SPTBN4: variants seen among roughly 807,000 people sequenced by gnomAD.
The protein encoded by SPTBN4 is spectrin beta, non-erythrocytic 4, also known as spectrin beta chain, non-erythrocytic 4.
In SPTBN4, 96 loss-of-function variants were observed where a neutral mutation model predicts 277.8. That is an observed-to-expected ratio of 0.35 (90% CI 0.29 to 0.41). SPTBN4 has a LOEUF of 0.41. SPTBN4 is among the 10% of genes least tolerant of loss of function. SPTBN4 has a pLI of 1.00. For synonymous variants in SPTBN4, 1,481 were observed against 1,580.3 expected, an observed-to-expected ratio of 0.94 and a Z score of 1.49; for missense variants, 3,006 against 3,595.7, an observed-to-expected ratio of 0.84 and a Z score of 4.19.
rs115335381 is a variant in SPTBN4, at chr19:40,565,002, C to T, written c.5916-421C>T. Among the ~76,000 whole-genome samples, 713 of 152,026 alleles carry T rather than the reference C, an allele frequency of 4.7e-3. 6 individuals are homozygous for T. The highest frequency in any genetic ancestry group is 0.017 in the African/African-American group (686 of 41,444). On this transcript the variant is annotated intron_variant, in intron 27 of 35. Transcript: ENST00000598249. The stretch of plus-strand genomic sequence containing the variant: ...GTCTCAGTCTGGTTTGGTGACTCAA[C>T]GCCTGTAATCCCAGCACTTTGGGAG...
At chr19:40,565,831 C>A in intron 29 of SPTBN4, 86 bp downstream of exon 29, 1 of 1,403,800 alleles carries the variant, frequency 7.1e-7, no homozygotes, top group Non-Finnish European at 9.8e-7. Context: ...GTGACAGGAG[C>A]ATGCTTTGCA....
At chr19:40,528,105 G>C (rs1338885519) in intron 17 of SPTBN4, among the ~76,000 whole-genome samples, 2 of 150,760 alleles carry the variant, frequency 1.3e-5, no homozygotes, top group Admixed American at 1.3e-4. Context: ...TGGAGACCCT[G>C]GGAGGATCTC....
intron 18 of SPTBN4, among the ~76,000 whole-genome samples, chr19:40,532,351 G>T (rs944137538): frequency 1.3e-5 from 2 of 151,956 alleles, no homozygotes; most frequent in Non-Finnish European, 2.9e-5. Context: ...GGCTTGTGGG[G>T]AGTTGAGGAG....
chr19:40,573,557 G>A (rs978132986), intron 35 of SPTBN4, among the ~76,000 whole-genome samples: 76 of 152,264 alleles, frequency 5.0e-4, no homozygotes, highest in African/African-American at 1.7e-3. Context: ...CTGGCTGGGC[G>A]CAGTGGCTTA....
intron 25 of SPTBN4, among the ~76,000 whole-genome samples, 177 bp from the exon 26 acceptor site, chr19:40,556,846 T>A (rs1276120627): frequency 6.6e-6 from 1 of 152,122 alleles, no homozygotes; most frequent in African/African-American, 2.4e-5. Context: ...GAGAATTGCT[T>A]GAACTGGGGA....
chr19:40,500,110 AAGGCAGGAGGATCACTTG>A (rs1475964010), intron 7 of SPTBN4, among the ~76,000 whole-genome samples: 1 of 148,620 alleles, frequency 6.7e-6, no homozygotes, highest in African/African-American at 2.6e-5. Context: ...ACAGGAGGCC[AAGGCAGGAGGATCACTTG>A]AGCCCAGGAG....
At position 40,565,426 on chromosome 19, in the gene SPTBN4, C is replaced by T. The variant is rs142909066; in HGVS notation, c.5919C>T (p.Asp1973=). 3.6e-4 allele frequency: 579 copies of T among 1,612,626 alleles called. No individual in the cohort carries two copies. Among genetic ancestry groups the T allele is most frequent in the Non-Finnish European group, 4.4e-4 (522 of 1,179,222 alleles). The change falls in exon 28 of 36, where the codon GAC becomes GAT. Residue 1973 remains aspartate (D), a synonymous_variant. Coordinates refer to ENST00000598249, the MANE Select transcript of SPTBN4 (RefSeq NM_020971.3). The part of the protein sequence containing the change: ...SQIGAADKPR[D]VSSVEVLMNY... ...CCCTGCCTGCCACCCACTGCAGGGA[C>T]GTGTCATCAGTGGAGGTGCTCATGA...
At chr19:40,521,761 A>G (rs962219638) in intron 16 of SPTBN4, among the ~76,000 whole-genome samples, 10 of 152,166 alleles carry the variant, frequency 6.6e-5, no homozygotes, top group Non-Finnish European at 1.3e-4. Context: ...GAGCCCCTGA[A>G]TCATAAGATT....
intron 20 of SPTBN4, among the ~76,000 whole-genome samples, chr19:40,545,657 C>T (rs1296641322): frequency 6.6e-6 from 1 of 152,064 alleles, no homozygotes; most frequent in Non-Finnish European, 1.5e-5. Flanking sequence ...CCTGTAATCC[C>T]AGCACTTTGG....
chr19:40,532,875 A>G, intron 19 of SPTBN4, 104 bp downstream of exon 19: 1 of 1,366,450 alleles, frequency 7.3e-7, no homozygotes, highest in Non-Finnish European at 9.7e-7. Flanking sequence ...CTGGTCTTAC[A>G]CCTCTGGACT....
In SPTBN4 at chr19:40,504,143, G is replaced by GGC. The variant is rs963309974; in HGVS notation, c.1665+12_1665+13insCG. 1.6e-6 allele frequency: 2 copies of GGC among 1,268,494 alleles called. No individual in the cohort carries two copies. Among genetic ancestry groups the GGC allele is most frequent in the Non-Finnish European group, 2.2e-6 (2 of 898,138 alleles). 78.6% of individuals were successfully genotyped at this position (1,268,494 alleles called of 1,614,324 possible). ...ATGGAGGAGATGCAGGTGCCGGCGG[G>GGC]GGGGCGGGGATGCGGGTGGAGTGCC... On this transcript the variant is annotated intron_variant, in intron 12 of 35. Transcript: ENST00000598249.
In SPTBN4 at chr19:40,556,996, A is replaced by ACGC. The variant is rs756181831; in HGVS notation, c.5290-26_5290-25insGCC. On this transcript the variant is annotated intron_variant, in intron 25 of 35. Coordinates refer to ENST00000598249, the MANE Select transcript of SPTBN4 (RefSeq NM_020971.3). Reference sequence around the variant, plus strand: ...GCTGCCCCTTTGCTCACTTTGCTGTACCCCCCCCCCCACTTCCTGATGGCA... The same window carrying ACGC: ...GCTGCCCCTTTGCTCACTTTGCTGTACGCCCCCCCCCCCCACTTCCTGATGGCA... 1.6e-4 allele frequency: 218 copies of ACGC among 1,365,076 alleles called. 1 individual carries two copies. The highest frequency in any genetic ancestry group is 1.9e-4 in the Non-Finnish European group (191 of 1,019,674). 84.6% of individuals were successfully genotyped at this position (1,365,076 alleles called of 1,614,324 possible).
chr19:40,493,526 G>A (rs1227907545), intron 5 of SPTBN4, among the ~76,000 whole-genome samples: 1 of 152,162 alleles, frequency 6.6e-6, no homozygotes, highest in Non-Finnish European at 1.5e-5. Context: ...TCTACAAAAA[G>A]TTGTGGGGTT....
intron 13 of SPTBN4, among the ~76,000 whole-genome samples, chr19:40,511,761 A>C (rs2080393524): frequency 1.3e-5 from 2 of 152,112 alleles, no homozygotes; most frequent in Admixed American, 1.3e-4. Context: ...AAAGGAGTGC[A>C]GATAACCACT....
chr19:40,532,842 C>T lies in SPTBN4; in HGVS notation c.4095+71C>T, dbSNP rs551376604. On this transcript the variant is annotated intron_variant, in intron 19 of 35. Transcript: ENST00000598249. ...CTCCAGGGAGCCCACGTCTCACCTG[C>T]TGCACCCGCTGCTGCCATCCTGCTG... 25 of 1,492,006 alleles carry T rather than the reference C, an allele frequency of 1.7e-5. No homozygotes were observed. In the African/African-American group the frequency reaches 2.8e-4, roughly 17 times the overall value. 92.4% of individuals were successfully genotyped at this position (1,492,006 alleles called of 1,614,324 possible).
In SPTBN4 at chr19:40,560,011, C is replaced by A; in HGVS notation, c.5671-148C>A. 4 of 1,423,372 alleles carry A rather than the reference C, an allele frequency of 2.8e-6. No homozygotes were observed. Among genetic ancestry groups the A allele is most frequent in the South Asian group, 1.5e-5 (1 of 65,982 alleles). 88.2% of individuals were successfully genotyped at this position (1,423,372 alleles called of 1,614,324 possible). On this transcript the variant is annotated intron_variant, in intron 26 of 35. Transcript: ENST00000598249. The surrounding 1 kb of genome is among the most constrained non-coding windows in gnomAD (Gnocchi z 5.2). ...GAATGCGGGTAAGTCAAAGAGAAAT[C>A]AGGCAGCAGATATGACAGGAGCCTG... is the stretch of plus-strand genomic sequence containing the variant.
At chr19:40,533,925 C>T (rs1225536592) in intron 19 of SPTBN4, among the ~76,000 whole-genome samples, 155 bp from the exon 20 acceptor site, 1 of 151,966 alleles carries the variant, frequency 6.6e-6, no homozygotes, top group Non-Finnish European at 1.5e-5. Context: ...TGCATCCACC[C>T]CTCATGTCTC....
chr19:40,552,455 C>CA lies in SPTBN4; in HGVS notation c.4675-1673dup, dbSNP rs33935362. The stretch of plus-strand genomic sequence containing the variant: ...GAGTGTCAAGAGCGAGACTCCGTCT[C>CA]AAAAAAAAAAAAAAAAAAAGATTAA... On this transcript the variant is annotated intron_variant, in intron 22 of 35. Coordinates refer to ENST00000598249, the MANE Select transcript of SPTBN4 (RefSeq NM_020971.3). Among the ~76,000 whole-genome samples the CA allele has an allele frequency of 3.6e-3, 273 of 75,448 alleles. 1 individual carries two copies. The highest frequency in any genetic ancestry group is 7.4e-3 in the East Asian group (14 of 1,902). The allele number at this position is 75,448 out of a possible 152,430, so 49.5% of individuals were successfully genotyped here.
chr19:40,494,952 T>G lies in SPTBN4; in HGVS notation c.643T>G (p.Phe215Val). ...CACCAGCTGGCGGGATGGCTTGGCC[T>G]TCAATGCCCTCATTCACCGGCACAG... ...FTTSWRDGLAFNALIHRHRPD... is the reference protein window; with the variant it reads ...FTTSWRDGLAVNALIHRHRPD... Residue 215 changes from phenylalanine (F) to valine (V), a missense_variant, in exon 6 of 36, where the codon TTC (phenylalanine) becomes GTC (valine). Transcript: ENST00000598249. 2 of 1,614,156 alleles carry G rather than the reference T, an allele frequency of 1.2e-6. No homozygotes were observed. Among genetic ancestry groups the G allele is most frequent in the Non-Finnish European group, 1.7e-6 (2 of 1,180,010 alleles).
Sources: gnomAD v4.1 joint callset for allele counts (sites outside exome capture counted in the v4.1 genomes callset) on GRCh38, gnomAD v4.1.1 for gene constraint, Gnocchi (gnomAD v3.1) non-coding constraint, MANE v1.5 for transcripts, NCBI Gene and HGNC (gene_info 2026-07-23, HGNC 2026-07-21) for gene names.